The following RGL1 variants were observed in gnomAD, a reference collection of about 807,000 sequenced individuals.
RGL1 encodes ral guanine nucleotide dissociation stimulator-like 1.
A neutral mutation model predicts 95.2 loss-of-function variants in RGL1; 24 were observed. The observed-to-expected ratio is 0.25, with a 90% CI of 0.18 to 0.35. The LOEUF (loss-of-function observed/expected upper bound fraction) is 0.35. Ranked by LOEUF, RGL1 falls within the 10% of genes least tolerant of loss-of-function variation. The pLI, the probability that RGL1 is intolerant of heterozygous loss-of-function variation, is 1.00. For missense variants in RGL1, 715 were observed against 936.3 expected (o/e 0.76, Z 3.08); for synonymous variants, 329 against 344.9 (o/e 0.95, Z 0.51).
chr1:183,814,490 G>A (rs1661951385), intron 2 of RGL1, among the ~76,000 whole-genome samples: 1 of 152,152 alleles, frequency 6.6e-6, no homozygotes, highest in African/African-American at 2.4e-5. Flanking sequence ...TATGCCATCT[G>A]TGGTCCATTC....
intron 1 of RGL1, among the ~76,000 whole-genome samples, chr1:183,679,486 G>C (rs193274099): frequency 6.7e-6 from 1 of 149,170 alleles, no homozygotes; most frequent in Non-Finnish European, 1.5e-5. Context: ...AACATGCGGC[G>C]TTCAGTTTTC....
chr1:183,665,017 A>AT (rs1245800247), intron 1 of RGL1, among the ~76,000 whole-genome samples: 1 of 152,122 alleles, frequency 6.6e-6, no homozygotes, highest in East Asian at 1.9e-4. Flanking sequence ...TTAGTTGTAG[A>AT]TTTTTTAAAA....
chr1:183,715,233 G>T (rs1572321986), intron 1 of RGL1, among the ~76,000 whole-genome samples: 1 of 152,076 alleles, frequency 6.6e-6, no homozygotes, highest in East Asian at 1.9e-4. Context: ...TTCCTTCCAG[G>T]TCACAAATTC....
At chr1:183,658,045 C>G (rs984651363) in intron 1 of RGL1, among the ~76,000 whole-genome samples, 1 of 152,140 alleles carries the variant, frequency 6.6e-6, no homozygotes, top group Non-Finnish European at 1.5e-5. Flanking sequence ...GTATTTTATT[C>G]TTTTTATAAA....
At chr1:183,847,080 C>T (rs189851961) in intron 2 of RGL1, among the ~76,000 whole-genome samples, 47 of 152,196 alleles carry the variant, frequency 3.1e-4, no homozygotes, top group African/African-American at 1.1e-3. Context: ...ACGCATACCT[C>T]CACCACCACC....
chr1:183,833,890 T>C (rs1663440815), intron 2 of RGL1, among the ~76,000 whole-genome samples: 1 of 151,974 alleles, frequency 6.6e-6, no homozygotes, highest in Non-Finnish European at 1.5e-5. Flanking sequence ...ATAGTATTGA[T>C]TAGAAAGAGT....
chr1:183,875,871 CAAAAAA>C (rs375478958), intron 4 of RGL1, among the ~76,000 whole-genome samples: 5 of 99,450 alleles, frequency 5.0e-5, no homozygotes. Flanking sequence ...AGCTCTGTCT[CAAAAAA>C]AAAAAAAAAA....
exon 1 of RGL1, chr1:183,636,191 A>G: frequency 2.5e-6 from 1 of 399,370 alleles, no homozygotes; most frequent in East Asian, 3.6e-5. Flanking sequence ...GGTCCTGCGT[A>G]AGGTCCGGCT....
rs189903320 is a variant in RGL1 at position 183,912,408 on chromosome 1, G to C, written c.1749+140G>C. Reference sequence around the variant, plus strand: ...ATGTTTTGAACAGGCATCAAAAGAAGAGTTCAATTTGGGGACATACTACTA... The same window carrying C: ...ATGTTTTGAACAGGCATCAAAAGAACAGTTCAATTTGGGGACATACTACTA... On this transcript the variant is annotated intron_variant, in intron 15 of 17. Transcript: ENST00000360851. 3 of 705,150 alleles carry C rather than the reference G, an allele frequency of 4.3e-6. No homozygotes were observed. The East Asian group carries it at 8.3e-5, about 19-fold the overall frequency. 43.7% of individuals were successfully genotyped at this position (705,150 alleles called of 1,614,324 possible).
At chr1:183,669,880 A>C (rs1247125289) in intron 1 of RGL1, among the ~76,000 whole-genome samples, 1 of 152,146 alleles carries the variant, frequency 6.6e-6, no homozygotes, top group Non-Finnish European at 1.5e-5. Context: ...CCCTTATAAA[A>C]TCATCAGATC....
intron 1 of RGL1, among the ~76,000 whole-genome samples, chr1:183,728,357 A>G (rs988803348): frequency 6.6e-6 from 1 of 152,136 alleles, no homozygotes; most frequent in African/African-American, 2.4e-5. Flanking sequence ...CCATAATTAC[A>G]TTAGCCAATT....
In RGL1 at chr1:183,798,234, TG is replaced by T. The variant is rs1660796619; in HGVS notation, c.133-8138del. Among the ~76,000 whole-genome samples the T allele has an allele frequency of 2.6e-5, 4 of 152,314 alleles. No homozygotes were observed. In the South Asian group the frequency reaches 8.3e-4, roughly 32 times the overall value. ...GACTGCTTTCTTCTAAACTTTTGACTGGGCATAGGACATTATAGTGCAGCAT... is the reference window on the plus strand; with the variant it reads ...GACTGCTTTCTTCTAAACTTTTGACTGGCATAGGACATTATAGTGCAGCAT... On this transcript the variant is annotated intron_variant, in intron 2 of 18. Transcript: ENST00000304685.
chr1:183,746,178 G>A (rs1657612898), intron 2 of RGL1, among the ~76,000 whole-genome samples: 1 of 151,994 alleles, frequency 6.6e-6, no homozygotes. Flanking sequence ...GTCTATATGT[G>A]AACTGTTTCA....
intron 4 of RGL1, among the ~76,000 whole-genome samples, chr1:183,873,748 G>A (rs1441331021): frequency 6.6e-6 from 1 of 152,160 alleles, no homozygotes; most frequent in African/African-American, 2.4e-5. Context: ...CCTGGCTGTT[G>A]CTTTATTATT....
intron 2 of RGL1, among the ~76,000 whole-genome samples, chr1:183,776,744 G>T (rs1403094157): frequency 1.3e-5 from 2 of 152,174 alleles, no homozygotes; most frequent in Non-Finnish European, 2.9e-5. Context: ...GAAGGTGGGG[G>T]ACAGACAAGG....
intron 3 of RGL1, among the ~76,000 whole-genome samples, chr1:183,857,953 A>G (rs2102569053): frequency 6.6e-6 from 1 of 152,332 alleles, no homozygotes; most frequent in Admixed American, 6.5e-5. Context: ...TAGCCAGGCT[A>G]GCTTTCTTTT....
intron 1 of RGL1, among the ~76,000 whole-genome samples, chr1:183,701,417 CG>C (rs1197783508): frequency 6.6e-6 from 1 of 152,068 alleles, no homozygotes; most frequent in Admixed American, 6.5e-5. Flanking sequence ...TTCCCTACCC[CG>C]GATTGTATGA....
At chr1:183,747,119 T>C (rs1209096356) in intron 2 of RGL1, among the ~76,000 whole-genome samples, 11 of 152,208 alleles carry the variant, frequency 7.2e-5, no homozygotes, top group Admixed American at 7.2e-4. Context: ...TAAACATACA[T>C]GTGCATGTGT....
chr1:183,794,948 T>C (rs1660622910), intron 2 of RGL1, among the ~76,000 whole-genome samples: 2 of 152,094 alleles, frequency 1.3e-5, no homozygotes, highest in African/African-American at 2.4e-5. Flanking sequence ...TTTATGCCTT[T>C]TCTCTGCTTT....
Sources: gnomAD v4.1 joint callset for allele counts (sites outside exome capture counted in the v4.1 genomes callset) on GRCh38, gnomAD v4.1.1 for gene constraint, MANE v1.5 for transcripts, NCBI Gene and HGNC (gene_info 2026-07-23, HGNC 2026-07-21) for gene names.